Variants in ANK3 observed in about 807,000 individuals in gnomAD.
The protein encoded by ANK3 is ankyrin 3.
Under a neutral mutation model 370.9 loss-of-function variants are expected in ANK3, and 57 were observed. The ratio of observed to expected loss-of-function variants is 0.15; its 90% CI spans 0.12 to 0.19. The LOEUF is 0.19. Ranked by LOEUF, ANK3 falls within the 10% of genes least tolerant of loss-of-function variation. ANK3 has a pLI of 1.00. For missense variants in ANK3, 4,439 were observed against 5,302.1 expected, an observed-to-expected ratio of 0.84 and a Z score of 5.06; for synonymous variants, 1,929 against 1,946.3, an observed-to-expected ratio of 0.99 and a Z score of 0.23.
intron 5 of ANK3, among the ~76,000 whole-genome samples, chr10:60,266,438 C>T (rs2097881004): frequency 6.6e-6 from 1 of 151,938 alleles, no homozygotes; most frequent in Non-Finnish European, 1.5e-5. Context: ...AAGAGTGTGG[C>T]AAAAGGAAAA....
At chr10:60,572,432 A>G in intron 2 of ANK3, 1 of 1,532,542 alleles carries the variant, frequency 6.5e-7, no homozygotes, top group South Asian at 1.2e-5. Flanking sequence ...CCAGAGAACA[A>G]TGAAGAGAAC....
chr10:60,451,820 G>C (rs986469147), intron 2 of ANK3, among the ~76,000 whole-genome samples: 1 of 152,162 alleles, frequency 6.6e-6, no homozygotes, highest in Non-Finnish European at 1.5e-5. Context: ...CCTAGCCTGA[G>C]AGAGAAAAGT....
intron 5 of ANK3, among the ~76,000 whole-genome samples, chr10:60,267,266 G>A (rs1415982595): frequency 6.6e-6 from 1 of 151,868 alleles, no homozygotes; most frequent in East Asian, 1.9e-4. Flanking sequence ...TAATGAGAGA[G>A]CAATACAGTA....
chr10:60,328,660 C>CA (rs907637054), intron 1 of ANK3, among the ~76,000 whole-genome samples: 52 of 152,058 alleles, frequency 3.4e-4, no homozygotes, highest in Non-Finnish European at 6.5e-4. Flanking sequence ...GCCGGCCAAC[C>CA]AAAAAAAGCC....
chr10:60,513,432 A>T (rs2076138557), intron 2 of ANK3, among the ~76,000 whole-genome samples: 1 of 152,040 alleles, frequency 6.6e-6, no homozygotes, highest in African/African-American at 2.4e-5. Flanking sequence ...ATGAGATACC[A>T]CTCTAGGTTG....
At chr10:60,555,486 T>C (rs1372854396) in intron 2 of ANK3, among the ~76,000 whole-genome samples, 1 of 146,970 alleles carries the variant, frequency 6.8e-6, no homozygotes, top group African/African-American at 2.5e-5. Flanking sequence ...AAATTAAAAA[T>C]GAAAAAAAAA....
Position 60,086,895 on chromosome 10 carries a change from AGAAAGGACTTTAAAT to A in ANK3, c.3541-26_3541-12del. 6.3e-7 allele frequency: 1 copy of A among 1,578,524 alleles called. No homozygotes were observed. The highest frequency in any genetic ancestry group is 8.6e-7 in the Non-Finnish European group (1 of 1,163,248). On this transcript the variant is annotated splice_polypyrimidine_tract_variant and intron_variant, in intron 29 of 43. Coordinates refer to ENST00000280772, the MANE Select transcript of ANK3 (RefSeq NM_020987.5). ...TGGAACAGGCTGGGCCTAGAGACAG[AGAAAGGACTTTAAAT>A]GAAAGTGACTTTTTTTTTTTTTTTT...
chr10:60,258,094 C>T (rs1377296762), intron 7 of ANK3, among the ~76,000 whole-genome samples: 1 of 152,198 alleles, frequency 6.6e-6, no homozygotes, highest in Non-Finnish European at 1.5e-5. Flanking sequence ...TGCACAAATG[C>T]TCCTTACTGG....
chr10:60,616,569 T>C (rs1251029748), intron 1 of ANK3, among the ~76,000 whole-genome samples: 1 of 152,168 alleles, frequency 6.6e-6, no homozygotes, highest in East Asian at 1.9e-4. Context: ...TCTACCTATT[T>C]ACATGGCAAG....
chr10:60,052,420 C>T (rs905546472), intron 42 of ANK3, among the ~76,000 whole-genome samples: 38 of 152,080 alleles, frequency 2.5e-4, no homozygotes, highest in African/African-American at 9.2e-4. Context: ...ATAATTTGTA[C>T]CTAACACATA....
At chr10:60,221,518 C>T (rs1393292717) in intron 8 of ANK3, among the ~76,000 whole-genome samples, 1 of 152,156 alleles carries the variant, frequency 6.6e-6, no homozygotes. Flanking sequence ...TCAGTCATGA[C>T]TCATCTATAT....
intron 2 of ANK3, among the ~76,000 whole-genome samples, chr10:60,472,022 A>T (rs1054311591): frequency 6.6e-6 from 1 of 152,166 alleles, no homozygotes; most frequent in Non-Finnish European, 1.5e-5. Flanking sequence ...ATTTCGGGGA[A>T]ATTTAATAGA....
intron 25 of ANK3, among the ~76,000 whole-genome samples, chr10:60,117,931 C>A (rs529357413): frequency 6.6e-6 from 1 of 151,962 alleles, no homozygotes; most frequent in Non-Finnish European, 1.5e-5. Context: ...CAACTGTTTG[C>A]GGAAATGGGA....
At chr10:60,236,112 A>C (rs1374241722) in intron 7 of ANK3, among the ~76,000 whole-genome samples, 1 of 152,216 alleles carries the variant, frequency 6.6e-6, no homozygotes, top group African/African-American at 2.4e-5. Flanking sequence ...AGTAAACATC[A>C]ACCTTTAGCC....
intron 2 of ANK3, among the ~76,000 whole-genome samples, chr10:60,614,623 C>A (rs1438160731): frequency 6.6e-6 from 1 of 152,172 alleles, no homozygotes; most frequent in Admixed American, 6.5e-5. Context: ...GAAAGGTAGC[C>A]TGCATAGCCC....
chr10:60,396,900 C>T (rs1482116676), intron 2 of ANK3, among the ~76,000 whole-genome samples: 1 of 152,140 alleles, frequency 6.6e-6, no homozygotes, highest in Non-Finnish European at 1.5e-5. Flanking sequence ...CGCTGTGATG[C>T]TGAAATACAA....
chr10:60,299,962 C>G (rs190362896), intron 1 of ANK3, among the ~76,000 whole-genome samples: 6 of 152,276 alleles, frequency 3.9e-5, no homozygotes, highest in African/African-American at 1.4e-4. Flanking sequence ...TTGGATTTCT[C>G]TTGAAAAAAG....
chr10:60,535,269 T>A (rs935635071), intron 2 of ANK3, among the ~76,000 whole-genome samples: 3 of 152,096 alleles, frequency 2.0e-5, no homozygotes, highest in Non-Finnish European at 4.4e-5. Flanking sequence ...GAAACCAATA[T>A]ACTATATGAG....
At chr10:60,604,181 A>G (rs1035006796) in intron 2 of ANK3, among the ~76,000 whole-genome samples, 9 of 152,196 alleles carry the variant, frequency 5.9e-5, no homozygotes, top group Admixed American at 5.2e-4. Flanking sequence ...CAAAGAGTGC[A>G]CAATAAGTAA....
Sources: gnomAD v4.1 joint callset for allele counts (sites outside exome capture counted in the v4.1 genomes callset) on GRCh38, gnomAD v4.1.1 for gene constraint, MANE v1.5 for transcripts, NCBI Gene and HGNC (gene_info 2026-07-23, HGNC 2026-07-21) for gene names.